Variants in ASPG observed in about 807,000 individuals in gnomAD.
The protein encoded by ASPG is asparaginase, also known as 60 kDa lysophospholipase.
Under a neutral mutation model 63.2 loss-of-function variants are expected in ASPG, and 53 were observed. That is an observed-to-expected ratio of 0.84 (90% CI 0.67 to 1.05). ASPG has a LOEUF of 1.05. ASPG is among the 50% of genes least tolerant of loss of function. The probability of loss-of-function intolerance (pLI) is 0.00; values close to 1 mark genes in which losing one functional copy is unlikely to be tolerated. For synonymous variants in ASPG, 370 were observed against 355.0 expected, an observed-to-expected ratio of 1.04 and a Z score of -0.48; for missense variants, 741 against 794.4, an observed-to-expected ratio of 0.93 and a Z score of 0.81.
In ASPG at chr14:104,098,881, T is replaced by C. The variant is rs1178150484; in HGVS notation, c.542T>C (p.Phe181Ser). 1.9e-6 allele frequency: 3 copies of C among 1,613,074 alleles called. No individual in the cohort carries two copies. Among genetic ancestry groups the C allele is most frequent in the East Asian group, 2.2e-5 (1 of 44,884 alleles). Residue 181 changes from phenylalanine to serine, a missense_variant, in exon 6 of 16, where the codon TTT (phenylalanine) becomes TCT (serine). By Grantham distance (155) the Phe-to-Ser change is radical. Transcript: ENST00000551177. ...EVCLFFQNQL[F>S]RGNRATKVDA... is the part of the protein sequence containing the mutation. ...TGCCTTTTCTTCCAGAATCAGCTGT[T>C]TCGGGGCAACCGGGCAACCAAGGTA...
chr14:104,109,653 G>A lies in ASPG; in HGVS notation c.1520+338G>A. The stretch of plus-strand genomic sequence containing the variant: ...GGTATGGGAATTGGTTGTCGGGTGT[G>A]AGAGGGGCTGGGGTGTGGACTGGGG... On this transcript the variant is annotated intron_variant, in intron 13 of 15. Transcript: ENST00000551177. The surrounding 1 kb of genome is among the most constrained non-coding windows in gnomAD (Gnocchi z 4.8). Among the ~76,000 whole-genome samples the A allele has an allele frequency of 6.6e-6, 1 of 150,774 alleles. No individual in the cohort carries two copies.
chr14:104,087,535 G>A lies in ASPG; in HGVS notation c.82+1683G>A, dbSNP rs143917128. Reference sequence around the variant, plus strand: ...GCAGGACAAAGATGGGAGAGGGCCAGGCCAGGAGCAGCCCTGCAAGGTGCA... The same window carrying A: ...GCAGGACAAAGATGGGAGAGGGCCAAGCCAGGAGCAGCCCTGCAAGGTGCA... On this transcript the variant is annotated intron_variant, in intron 1 of 15. Transcript: ENST00000551177. 2.9e-3 allele frequency among the ~76,000 whole-genome samples: 435 copies of A among 152,332 alleles called. 1 individual carries two copies. Among genetic ancestry groups the A allele is most frequent in the Middle Eastern group, 0.01 (3 of 294 alleles).
chr14:104,106,720 C>A, intron 10 of ASPG, 79 bp from the exon 11 acceptor site: 1 of 1,290,706 alleles, frequency 7.7e-7, no homozygotes, highest in Non-Finnish European at 1.1e-6. Flanking sequence ...TGGCAGGGGT[C>A]ATACAGCACC....
intron 6 of ASPG, among the ~76,000 whole-genome samples, chr14:104,102,826 A>G (rs1031790528): frequency 3.9e-5 from 6 of 152,074 alleles, no homozygotes; most frequent in Non-Finnish European, 5.9e-5. Flanking sequence ...GCCCCTCTGC[A>G]TGGACGGGTT....
intron 4 of ASPG, 23 bp downstream of exon 4, chr14:104,095,679 C>T (rs767315404): frequency 1.2e-6 from 2 of 1,611,744 alleles, no homozygotes; most frequent in Non-Finnish European, 1.7e-6. Flanking sequence ...GCCCGGGGCT[C>T]CTAGGAACAG....
intron 1 of ASPG, among the ~76,000 whole-genome samples, chr14:104,087,544 C>G (rs1037057394): frequency 4.6e-5 from 7 of 152,190 alleles, no homozygotes; most frequent in African/African-American, 1.7e-4. Context: ...AGGCCAGGAG[C>G]AGCCCTGCAA....
intron 11 of ASPG, 132 bp downstream of exon 11, chr14:104,107,026 G>A: frequency 7.6e-7 from 1 of 1,310,462 alleles, no homozygotes. Flanking sequence ...TGGGCAGCAG[G>A]ACTGTCCTGC....
At chr14:104,100,597 C>T (rs1455342391) in intron 6 of ASPG, among the ~76,000 whole-genome samples, 3 of 152,188 alleles carry the variant, frequency 2.0e-5, no homozygotes, top group Non-Finnish European at 2.9e-5. Flanking sequence ...CACACCCTGT[C>T]CCTTCTTCCT....
chr14:104,109,281 C>T lies in ASPG; in HGVS notation c.1486C>T (p.Gln496Ter). 6.2e-7 allele frequency: 1 copy of T among 1,612,854 alleles called. No individual in the cohort carries two copies. The highest frequency in any genetic ancestry group is 8.5e-7 in the Non-Finnish European group (1 of 1,179,658). ...LREAGASLST[Q>*]ELEEAGTELC... ...GGAAGCCGGGGCCTCCCTGTCCACC[C>T]AGGAGCTGGAGGAAGCAGGGACGGA... Residue 496 changes from glutamine (Q) to a stop codon, truncating the protein, a stop_gained, in exon 13 of 16, where the codon CAG (glutamine) becomes TAG (stop). Transcript: ENST00000551177. LOFTEE classifies it high-confidence loss of function. The surrounding 1 kb of genome is among the most constrained non-coding windows in gnomAD (Gnocchi z 4.8).
chr14:104,092,629 G>A lies in ASPG; in HGVS notation c.83-4G>A. 6.5e-7 allele frequency: 1 copy of A among 1,534,602 alleles called. No homozygotes were observed. The highest frequency in any genetic ancestry group is 1.2e-5 in the South Asian group (1 of 83,988). ...CCCAGCATCCACCTGGACTCTGCCTGCAGTGCTTGTGCCCGGGACGGGCCT... is the reference window on the plus strand; with the variant it reads ...CCCAGCATCCACCTGGACTCTGCCTACAGTGCTTGTGCCCGGGACGGGCCT... On this transcript the variant is annotated splice_polypyrimidine_tract_variant and splice_region_variant and intron_variant, in intron 1 of 15. Coordinates refer to ENST00000551177, the MANE Select transcript of ASPG (RefSeq NM_001080464.3).
At position 104,109,394 on chromosome 14, in the gene ASPG, G is replaced by A. The variant is rs1398442032; in HGVS notation, c.1520+79G>A. 1 of 1,454,864 alleles carries A rather than the reference G, an allele frequency of 6.9e-7. No individual in the cohort carries two copies. The highest frequency in any genetic ancestry group is 9.2e-7 in the Non-Finnish European group (1 of 1,083,016). 90.1% of individuals were successfully genotyped at this position (1,454,864 alleles called of 1,614,324 possible). ...GGAAGCGAAGCCAGACCTGCTGGGA[G>A]GGACAAGTGAGTCAGGGTGTGGGGG... On this transcript the variant is annotated intron_variant, in intron 13 of 15. Coordinates refer to ENST00000551177, the MANE Select transcript of ASPG (RefSeq NM_001080464.3). This position sits in a 1 kb window ranked among gnomAD's most constrained non-coding sequence, Gnocchi z 4.8.
Position 104,102,531 on chromosome 14 carries a change from C to T in ASPG, c.641-1032C>T, listed in dbSNP as rs912033389. Reference sequence around the variant, plus strand: ...CTCGGTTTTCCTGGGCTGGGCTCTCCAGCCTCCAGGGTGTTTACTGCCCTG... The same window carrying T: ...CTCGGTTTTCCTGGGCTGGGCTCTCTAGCCTCCAGGGTGTTTACTGCCCTG... On this transcript the variant is annotated intron_variant, in intron 6 of 15. Coordinates refer to ENST00000551177, the MANE Select transcript of ASPG (RefSeq NM_001080464.3). 1.2e-4 allele frequency among the ~76,000 whole-genome samples: 18 copies of T among 152,310 alleles called. 1 individual carries two copies. The highest frequency in any genetic ancestry group is 1.1e-3 in the Admixed American group (17 of 15,308).
intron 12 of ASPG, chr14:104,108,880 T>G (rs2037263970): frequency 1.0e-6 from 1 of 985,254 alleles, no homozygotes; most frequent in African/African-American, 1.7e-5. Context: ...CCCCTTGGAA[T>G]GGGTTGGGGA....
intron 14 of ASPG, 29 bp from the exon 15 acceptor site, chr14:104,111,891 G>T: frequency 6.5e-7 from 1 of 1,546,686 alleles, no homozygotes; most frequent in African/African-American, 1.4e-5. Flanking sequence ...GTGGCCCCAA[G>T]GCAGCCCCTC....
At position 104,109,276 on chromosome 14, in the gene ASPG, C is replaced by T; in HGVS notation, c.1481C>T (p.Ser494Phe). The stretch of plus-strand genomic sequence containing the variant: ...CTGCGGGAAGCCGGGGCCTCCCTGT[C>T]CACCCAGGAGCTGGAGGAAGCAGGG... Reference protein sequence around the residue: ...GLLREAGASLSTQELEEAGTE... With the variant: ...GLLREAGASLFTQELEEAGTE... Residue 494 changes from serine to phenylalanine, a missense_variant, in exon 13 of 16, where the codon TCC (serine) becomes TTC (phenylalanine). Coordinates refer to ENST00000551177, the MANE Select transcript of ASPG (RefSeq NM_001080464.3). The surrounding 1 kb of genome is among the most constrained non-coding windows in gnomAD (Gnocchi z 4.8). 6.2e-7 allele frequency: 1 copy of T among 1,612,994 alleles called. No individual in the cohort carries two copies.
Position 104,110,130 on chromosome 14 carries a change from G to A in ASPG, c.1520+815G>A, listed in dbSNP as rs2037325285. 1 of 985,428 alleles carries A rather than the reference G, an allele frequency of 1.0e-6. No homozygotes were observed. The highest frequency in any genetic ancestry group is 1.2e-6 in the Non-Finnish European group (1 of 829,922). The allele number at this position is 985,428 out of a possible 1,614,324, so 61.0% of individuals were successfully genotyped here. A position where few individuals can be genotyped will look rare whatever the true frequency, so the allele number is the denominator to read the frequency against. ...GACTCCGAGGGACCCAAAAAGGAGA[G>A]TCGGAGGCAGGAGACCTGGGCCGGG... is the stretch of plus-strand genomic sequence containing the variant. On this transcript the variant is annotated intron_variant, in intron 13 of 15. Transcript: ENST00000551177. The surrounding 1 kb of genome is among the most constrained non-coding windows in gnomAD (Gnocchi z 4.7).
At chr14:104,107,131 T>A (rs2037166023) in intron 11 of ASPG, 51 bp from the exon 12 acceptor site, 1 of 1,521,864 alleles carries the variant, frequency 6.6e-7, no homozygotes, top group Admixed American at 2.0e-5. Context: ...ATGGCCTACC[T>A]GGCCCCGCCT....
chr14:104,101,311 G>A (rs562634666), intron 6 of ASPG, among the ~76,000 whole-genome samples: 54 of 152,338 alleles, frequency 3.5e-4, no homozygotes, highest in Non-Finnish European at 6.8e-4. Flanking sequence ...AGCCAGCTGG[G>A]GGTAGCAATG....
intron 2 of ASPG, chr14:104,093,178 C>T: frequency 1.9e-6 from 1 of 513,902 alleles, no homozygotes; most frequent in Non-Finnish European, 3.5e-6. Context: ...ACAGCCGCCA[C>T]AGGCGAGCCT....
Sources: allele counts gnomAD v4.1 joint callset (sites outside exome capture counted in the v4.1 genomes callset), GRCh38; gene constraint gnomAD v4.1.1; non-coding constraint Gnocchi (gnomAD v3.1); transcripts MANE v1.5; gene names NCBI Gene and HGNC (gene_info 2026-07-23, HGNC 2026-07-21).